The following IGF1R variants were observed in gnomAD, a reference collection of about 807,000 sequenced individuals.
The protein encoded by IGF1R is insulin-like growth factor 1 receptor.
IGF1R carries 44 observed loss-of-function variants against 144.6 expected under a neutral mutation model. The observed-to-expected ratio is 0.30, with a 90% CI of 0.24 to 0.39. The LOEUF is 0.39. Among genes scored for constraint, IGF1R ranks in the 10% least tolerant of loss-of-function variants. The probability of loss-of-function intolerance (pLI) is 1.00; values close to 1 mark genes in which losing one functional copy is unlikely to be tolerated. For synonymous variants in IGF1R, 795 were observed against 722.8 expected, an observed-to-expected ratio of 1.10 and a Z score of -1.60; for missense variants, 1,355 against 1,833.7, an observed-to-expected ratio of 0.74 and a Z score of 4.77.
chr15:98,933,753 ACAGAGCCCAGGC>A (rs112483380), intron 15 of IGF1R, among the ~76,000 whole-genome samples: 69,017 of 151,576 alleles, frequency 0.46, 15,834 homozygotes, highest in African/African-American at 0.52. Context: ...CCCTGAGTTC[ACAGAGCCCAGGC>A]CAGAGCCCTG....
rs544616903 is a variant in IGF1R at position 98,964,140 on chromosome 15, T to C, written c.*6698T>C. On this transcript the variant is annotated 3_prime_UTR_variant, in exon 21 of 21. Coordinates refer to ENST00000650285, the MANE Select transcript of IGF1R (RefSeq NM_000875.5). ...ATCCCTTTGTCTGGGATAAAAAAAA[T>C]CAAACCAGAAGGCGGGATGGAATGG... 2.2e-5 allele frequency: 5 copies of C among 232,318 alleles called. No individual in the cohort carries two copies. Among genetic ancestry groups the C allele is most frequent in the African/African-American group, 8.9e-5 (4 of 45,164 alleles). The allele number at this position is 232,318 out of a possible 1,614,324, so 14.4% of individuals were successfully genotyped here.
rs572053040 is a variant in IGF1R, at chr15:98,654,191, G to A, written c.94+4516G>A. Among the ~76,000 whole-genome samples the A allele has an allele frequency of 4.0e-3, 602 of 152,146 alleles. 4 individuals are homozygous for A. The highest frequency in any genetic ancestry group is 5.9e-3 in the Non-Finnish European group (398 of 67,984). Reference sequence around the variant, plus strand: ...ACCCTATACCTTTTTTGCCTCATTGGTGCTTTCCGTTATATTGGGATGTCA... The same window carrying A: ...ACCCTATACCTTTTTTGCCTCATTGATGCTTTCCGTTATATTGGGATGTCA... On this transcript the variant is annotated intron_variant, in intron 1 of 20. Coordinates refer to ENST00000650285, the MANE Select transcript of IGF1R (RefSeq NM_000875.5).
chr15:98,793,676 T>A (rs1421869967), intron 2 of IGF1R, among the ~76,000 whole-genome samples: 1 of 152,236 alleles, frequency 6.6e-6, no homozygotes, highest in Non-Finnish European at 1.5e-5. Context: ...GAACGTATAC[T>A]CTGATGCATA....
intron 1 of IGF1R, among the ~76,000 whole-genome samples, chr15:98,674,977 ATT>A (rs71149408): frequency 0.028 from 2,796 of 98,900 alleles, 52 homozygotes; most frequent in African/African-American, 0.091. Context: ...GTATTTTACA[ATT>A]TTTTTTTTTT....
In IGF1R at chr15:98,752,930, CTAT is replaced by C. The variant is rs1205394189; in HGVS notation, c.640+44825_640+44827del. Among the ~76,000 whole-genome samples, 2 of 130,416 alleles carry C rather than the reference CTAT, an allele frequency of 1.5e-5. 1 individual carries two copies. The highest frequency in any genetic ancestry group is 5.6e-5 in the African/African-American group (2 of 35,740). The allele number at this position is 130,416 out of a possible 152,430, so 85.6% of individuals were successfully genotyped here. A position where few individuals can be genotyped will look rare whatever the true frequency, so the allele number is the denominator to read the frequency against. On this transcript the variant is annotated intron_variant, in intron 2 of 20. Coordinates refer to ENST00000650285, the MANE Select transcript of IGF1R (RefSeq NM_000875.5). Reference sequence around the variant, plus strand: ...ATATGTTTAGGGCTGGAAAATCATACTATTTTTTTTTTTTTTTTTTTTTGAGAT... The same window carrying C: ...ATATGTTTAGGGCTGGAAAATCATACTTTTTTTTTTTTTTTTTTTTGAGAT...
intron 17 of IGF1R, 41 bp from the exon 18 acceptor site, chr15:98,939,160 A>C: frequency 6.3e-7 from 1 of 1,588,136 alleles, no homozygotes; most frequent in South Asian, 1.1e-5. Flanking sequence ...GGAAAAAAAA[A>C]ATCCAAAATT....
In IGF1R at chr15:98,958,159, C is replaced by T. The variant is rs1301744808; in HGVS notation, c.*717C>T. 1.3e-5 allele frequency: 3 copies of T among 233,386 alleles called. No individual in the cohort carries two copies. The highest frequency in any genetic ancestry group is 4.4e-5 in the African/African-American group (2 of 45,310). The allele number at this position is 233,386 out of a possible 1,614,324, so 14.5% of individuals were successfully genotyped here. On this transcript the variant is annotated 3_prime_UTR_variant, in exon 21 of 21. Transcript: ENST00000650285. ...GCGACACACTCCGTCCATCCGACTG[C>T]CCCTGCTGTGCTGCTCAAGGCCACA... is the stretch of plus-strand genomic sequence containing the variant.
intron 20 of IGF1R, among the ~76,000 whole-genome samples, chr15:98,951,706 G>A (rs552035229): frequency 4.6e-5 from 7 of 152,354 alleles, no homozygotes; most frequent in Admixed American, 3.3e-4. Flanking sequence ...GAATCGCCCT[G>A]TTCTACGTGG....
At chr15:98,956,951 T>C in intron 20 of IGF1R, 110 bp from the exon 21 acceptor site, 2 of 1,242,750 alleles carry the variant, frequency 1.6e-6, no homozygotes, top group Non-Finnish European at 2.3e-6. Context: ...CTGTGTTCAG[T>C]GCTCCCGCCG....
At chr15:98,651,316 CG>C (rs2052360079) in intron 1 of IGF1R, among the ~76,000 whole-genome samples, 1 of 152,198 alleles carries the variant, frequency 6.6e-6, no homozygotes, top group Non-Finnish European at 1.5e-5. Flanking sequence ...CCGAGTGGGA[CG>C]CGGACTGGGG....
rs1231846546 is a variant in IGF1R at position 98,649,345 on chromosome 15, C to T, written c.-237C>T. Reference sequence around the variant, plus strand: ...CCTCGGGTTCCCGACTCCGCCGAGCCCTGGGCCGCTGCTGCCGGCGCTGAG... The same window carrying T: ...CCTCGGGTTCCCGACTCCGCCGAGCTCTGGGCCGCTGCTGCCGGCGCTGAG... On this transcript the variant is annotated 5_prime_UTR_variant, in exon 1 of 21. Transcript: ENST00000650285. The T allele has an allele frequency of 1.3e-5, 3 of 224,112 alleles. No individual in the cohort carries two copies. In the South Asian group the frequency reaches 5.1e-4, roughly 38 times the overall value. 13.9% of individuals were successfully genotyped at this position (224,112 alleles called of 1,614,324 possible). A position where few individuals can be genotyped will look rare whatever the true frequency, so the allele number is the denominator to read the frequency against.
chr15:98,905,999 T>C (rs1206030350), intron 5 of IGF1R, among the ~76,000 whole-genome samples: 1 of 152,224 alleles, frequency 6.6e-6, no homozygotes, highest in African/African-American at 2.4e-5. Flanking sequence ...TATTTTTCTT[T>C]AGCTTCCACA....
Position 98,766,632 on chromosome 15 carries a change from T to G in IGF1R, c.640+58525T>G, listed in dbSNP as rs1451791270. 2.6e-5 allele frequency among the ~76,000 whole-genome samples: 4 copies of G among 152,336 alleles called. No individual in the cohort carries two copies. In the East Asian group the frequency reaches 5.8e-4, roughly 22 times the overall value. On this transcript the variant is annotated intron_variant, in intron 2 of 20. Coordinates refer to ENST00000650285, the MANE Select transcript of IGF1R (RefSeq NM_000875.5). The stretch of plus-strand genomic sequence containing the variant: ...CTCTGGGGGTCCATACATACCCCTC[T>G]TTATATCCCTGTGGTCCCTTTTTAG...
chr15:98,932,352 C>G (rs2015977573), intron 15 of IGF1R, among the ~76,000 whole-genome samples: 1 of 152,126 alleles, frequency 6.6e-6, no homozygotes, highest in African/African-American at 2.4e-5. Flanking sequence ...TTCTTTTTCC[C>G]AAAGCTATAA....
rs531484792 is a variant in IGF1R, at chr15:98,738,873, G to C, written c.640+30766G>C. Among the ~76,000 whole-genome samples the C allele has an allele frequency of 2.0e-5, 3 of 152,230 alleles. No homozygotes were observed. The South Asian group carries it at 6.2e-4, about 32-fold the overall frequency. ...TTACATTCAGGACAATAGAATGTTCGTCAAAATGCTTTTGCACATGTTTTC... is the reference window on the plus strand; with the variant it reads ...TTACATTCAGGACAATAGAATGTTCCTCAAAATGCTTTTGCACATGTTTTC... On this transcript the variant is annotated intron_variant, in intron 2 of 20. Coordinates refer to ENST00000650285, the MANE Select transcript of IGF1R (RefSeq NM_000875.5).
At chr15:98,784,907 G>A (rs2141402348) in intron 2 of IGF1R, among the ~76,000 whole-genome samples, 1 of 152,228 alleles carries the variant, frequency 6.6e-6, no homozygotes, top group South Asian at 2.1e-4. Context: ...TGTATCCGTG[G>A]GAGTCCTGGA....
intron 2 of IGF1R, among the ~76,000 whole-genome samples, chr15:98,818,554 G>A (rs897602353): frequency 6.6e-6 from 1 of 151,810 alleles, no homozygotes; most frequent in Non-Finnish European, 1.5e-5. Context: ...TGACATTTTG[G>A]GTGAAATAAT....
intron 2 of IGF1R, among the ~76,000 whole-genome samples, chr15:98,795,024 C>T (rs2056206346): frequency 6.6e-6 from 1 of 152,224 alleles, no homozygotes; most frequent in African/African-American, 2.4e-5. Flanking sequence ...TTTCCCTGAC[C>T]TTAACCTCAC....
intron 15 of IGF1R, among the ~76,000 whole-genome samples, chr15:98,930,838 T>A (rs1163736806): frequency 1.3e-5 from 2 of 152,274 alleles, no homozygotes; most frequent in East Asian, 3.9e-4. Context: ...ATGAGGGCCA[T>A]TCAGTTAAGT....
Sources: gnomAD v4.1 joint callset for allele counts (sites outside exome capture counted in the v4.1 genomes callset) on GRCh38, gnomAD v4.1.1 for gene constraint, MANE v1.5 for transcripts, NCBI Gene and HGNC (gene_info 2026-07-23, HGNC 2026-07-21) for gene names.